PPP1R21: variants seen among roughly 807,000 people sequenced by gnomAD.
The protein encoded by PPP1R21 is KLRAQ motif containing 1.
Under a neutral mutation model 112.8 loss-of-function variants are expected in PPP1R21, and 85 were observed. That is an observed-to-expected ratio of 0.75 (90% confidence interval 0.63 to 0.90). The LOEUF is 0.90. Ranked by LOEUF, PPP1R21 falls within the 40% of genes least tolerant of loss-of-function variation. PPP1R21 has a pLI of 0.00. For missense variants in PPP1R21, 1,199 were observed against 901.5 expected, an observed-to-expected ratio of 1.33 and a Z score of -4.23; for synonymous variants, 381 against 322.3, an observed-to-expected ratio of 1.18 and a Z score of -1.95.
At chr2:48,459,942 C>G in intron 5 of PPP1R21, 24 bp downstream of exon 5, 1 of 1,605,752 alleles carries the variant, frequency 6.2e-7, no homozygotes, top group South Asian at 1.1e-5. Flanking sequence ...TGAGAGCACA[C>G]TAAAAAATAG....
intron 13 of PPP1R21, among the ~76,000 whole-genome samples, chr2:48,485,485 G>GA (rs1669242869): frequency 1.3e-5 from 2 of 152,144 alleles, no homozygotes; most frequent in East Asian, 3.9e-4. Flanking sequence ...TTAACAGTAG[G>GA]AAAAATTGGC....
At chr2:48,475,673 C>T (rs928080000) in intron 12 of PPP1R21, among the ~76,000 whole-genome samples, 4 of 151,966 alleles carry the variant, frequency 2.6e-5, no homozygotes, top group Non-Finnish European at 2.9e-5. Flanking sequence ...CATGGAGAAA[C>T]CTCATCTCTA....
chr2:48,463,405 C>T (rs1380395908), intron 7 of PPP1R21, among the ~76,000 whole-genome samples: 2 of 152,088 alleles, frequency 1.3e-5, no homozygotes, highest in Non-Finnish European at 2.9e-5. Flanking sequence ...GATTTTGTGG[C>T]CTCGAGAGGA....
chr2:48,496,070 A>G (rs1227585347), intron 16 of PPP1R21, among the ~76,000 whole-genome samples: 1 of 152,194 alleles, frequency 6.6e-6, no homozygotes, highest in Non-Finnish European at 1.5e-5. Context: ...TGAAATACCA[A>G]AGTATAAGAG....
intron 6 of PPP1R21, 95 bp downstream of exon 6, chr2:48,460,248 A>G: frequency 1.6e-6 from 2 of 1,246,306 alleles, no homozygotes; most frequent in Non-Finnish European, 2.3e-6. Context: ...ATTGTCTTAC[A>G]TTTAAAAGGA....
intron 8 of PPP1R21, 38 bp downstream of exon 8, chr2:48,465,027 T>A: frequency 1.3e-6 from 2 of 1,493,198 alleles, no homozygotes; most frequent in Non-Finnish European, 1.8e-6. Flanking sequence ...TTCAGTTATA[T>A]ATACATCAGA....
intron 15 of PPP1R21, among the ~76,000 whole-genome samples, chr2:48,494,462 T>G (rs1460335512): frequency 6.6e-6 from 1 of 151,928 alleles, no homozygotes; most frequent in African/African-American, 2.4e-5. Context: ...AGTCTTGCTC[T>G]GTCGCCCAGG....
chr2:48,447,929 A>C (rs938556208), intron 1 of PPP1R21, among the ~76,000 whole-genome samples: 1 of 152,078 alleles, frequency 6.6e-6, no homozygotes, highest in African/African-American at 2.4e-5. Context: ...CAGCCTGGGC[A>C]ACAGAGCGAG....
At chr2:48,445,009 G>T (rs938016654) in intron 1 of PPP1R21, among the ~76,000 whole-genome samples, 4 of 151,960 alleles carry the variant, frequency 2.6e-5, no homozygotes, top group African/African-American at 9.7e-5. Context: ...CTTGTATGGA[G>T]AAAGGGTCAG....
chr2:48,457,934 A>G, intron 3 of PPP1R21, 192 bp from the exon 4 acceptor site: 1 of 550,878 alleles, frequency 1.8e-6, no homozygotes, highest in Non-Finnish European at 3.5e-6. Context: ...CCTGCTCCTT[A>G]CAATATTTGC....
chr2:48,465,626 C>T lies in PPP1R21; in HGVS notation c.881C>T (p.Ser294Phe). Reference protein sequence around the residue: ...FPVDSAIDTISPLNQKFSQYL... With the variant: ...FPVDSAIDTIFPLNQKFSQYL... ...GTTGATTCTGCCATTGACACTATAT[C>T]TCCATTGAATCAGAAGGTAAATTTA... is the stretch of plus-strand genomic sequence containing the variant. Residue 294 changes from serine to phenylalanine, a missense_variant, in exon 9 of 22, where the codon TCT becomes TTT. Coordinates refer to ENST00000294952, the MANE Select transcript of PPP1R21 (RefSeq NM_001135629.3). 6.2e-7 allele frequency: 1 copy of T among 1,611,952 alleles called. No individual in the cohort carries two copies. The highest frequency in any genetic ancestry group is 8.5e-7 in the Non-Finnish European group (1 of 1,179,430).
At chr2:48,506,290 C>T (rs536529910) in intron 18 of PPP1R21, among the ~76,000 whole-genome samples, 3 of 152,226 alleles carry the variant, frequency 2.0e-5, no homozygotes, top group South Asian at 2.1e-4. Context: ...GACAGGGTTT[C>T]GCCATGTTGG....
At chr2:48,499,254 G>C (rs1014806836) in intron 17 of PPP1R21, among the ~76,000 whole-genome samples, 1 of 152,098 alleles carries the variant, frequency 6.6e-6, no homozygotes, top group African/African-American at 2.4e-5. Context: ...CCTTCAAAAA[G>C]TAACCATTAA....
rs1484401326 is a variant in PPP1R21, at chr2:48,465,091, C to T, written c.747+102C>T. The stretch of plus-strand genomic sequence containing the variant: ...TGGACCTCTGTTTAGTGCATTCAGT[C>T]ATTGCATTTAACTGTTGCTTTACGT... On this transcript the variant is annotated intron_variant, in intron 8 of 21. Transcript: ENST00000294952. 3.4e-6 allele frequency: 3 copies of T among 880,326 alleles called. No individual in the cohort carries two copies. The African/African-American group carries it at 5.4e-5, about 16-fold the overall frequency. The allele number at this position is 880,326 out of a possible 1,614,324, so 54.5% of individuals were successfully genotyped here.
rs149710448 is a variant in PPP1R21 at position 48,498,793 on chromosome 2, C to G, written c.1935+58C>G. The stretch of plus-strand genomic sequence containing the variant: ...TTTTTAAATGCTAATTGGTAAGTAT[C>G]TAATGTTCAACATTAACCATTGTCT... On this transcript the variant is annotated intron_variant, in intron 17 of 21. Transcript: ENST00000294952. The G allele has an allele frequency of 1.7e-3, 2,651 of 1,554,046 alleles. 6 individuals are homozygous for G. The highest frequency in any genetic ancestry group is 2.0e-3 in the Non-Finnish European group (2,297 of 1,130,424).
chr2:48,446,381 A>C (rs903369371), intron 1 of PPP1R21, among the ~76,000 whole-genome samples: 2 of 152,174 alleles, frequency 1.3e-5, no homozygotes, highest in Non-Finnish European at 2.9e-5. Context: ...GGGCTATTCC[A>C]GAACCAGAGT....
rs750571150 is a variant in PPP1R21, at chr2:48,491,085, C to T, written c.1514C>T (p.Ala505Val). Residue 505 changes from alanine (A) to valine (V), a missense_variant, in exon 15 of 22, where the codon GCG (alanine) becomes GTG (valine). By Grantham distance (64) the Ala-to-Val change is moderately conservative. Coordinates refer to ENST00000294952, the MANE Select transcript of PPP1R21 (RefSeq NM_001135629.3). The stretch of plus-strand genomic sequence containing the variant: ...TCACTGAGCTATGGACCTAAGGCAG[C>T]GAGTGGATTCATTAGTCCTCTTTCA... ...IASLSYGPKA[A>V]SGFISPLSAE... 9 of 1,614,004 alleles carry T rather than the reference C, an allele frequency of 5.6e-6. No homozygotes were observed. The highest frequency in any genetic ancestry group is 4.5e-5 in the East Asian group (2 of 44,886).
chr2:48,442,511 A>G (rs1037320168), intron 1 of PPP1R21, among the ~76,000 whole-genome samples: 7 of 152,234 alleles, frequency 4.6e-5, no homozygotes, highest in African/African-American at 1.4e-4. Context: ...AGCAGACAAT[A>G]TGTGCCCCCT....
chr2:48,479,940 A>G lies in PPP1R21; in HGVS notation c.1242A>G (p.Gly414=). 6.2e-7 allele frequency: 1 copy of G among 1,609,728 alleles called. No individual in the cohort carries two copies. Among genetic ancestry groups the G allele is most frequent in the Non-Finnish European group, 8.5e-7 (1 of 1,176,122 alleles). Residue 414 remains glycine, a synonymous_variant, in exon 13 of 22, where the codon GGA becomes GGG. Transcript: ENST00000294952. ...ATTTCCTAGGTACAGAGCCAGATGG[A>G]CTCCTTCGGACAAACTACAGTTCTG... The part of the protein sequence containing the change: ...LLALPSTEPD[G]LLRTNYSSVL...
Sources: gnomAD v4.1 joint callset for allele counts (sites outside exome capture counted in the v4.1 genomes callset) on GRCh38, gnomAD v4.1.1 for gene constraint, MANE v1.5 for transcripts, NCBI Gene and HGNC (gene_info 2026-07-23, HGNC 2026-07-21) for gene names.